The following CCDC171 variants were observed in gnomAD, a reference collection of about 807,000 sequenced individuals.
CCDC171 encodes the protein coiled-coil domain-containing protein 171.
CCDC171 carries 177 observed loss-of-function variants against 168.2 expected under a neutral mutation model. The ratio of observed to expected loss-of-function variants is 1.05; its 90% confidence interval spans 0.93 to 1.19. The LOEUF (loss-of-function observed/expected upper bound fraction) is 1.19, where lower values mean the gene tolerates loss of function less well. CCDC171 is among the 50% of genes most tolerant of loss of function. The probability of loss-of-function intolerance (pLI) is 0.00; values close to 1 mark genes in which losing one functional copy is unlikely to be tolerated. For synonymous variants in CCDC171, 687 were observed against 540.8 expected (o/e 1.27, Z -3.75); for missense variants, 1,991 against 1,539.0 (o/e 1.29, Z -4.91).
At chr9:15,590,000 G>A (rs778144357) in intron 4 of CCDC171, among the ~76,000 whole-genome samples, 1 of 152,164 alleles carries the variant, frequency 6.6e-6, no homozygotes, top group South Asian at 2.1e-4. Context: ...AATATTTACC[G>A]TTATGGAAAG....
chr9:15,935,889 A>G (rs1312218633), intron 25 of CCDC171, among the ~76,000 whole-genome samples: 1 of 152,112 alleles, frequency 6.6e-6, no homozygotes, highest in Non-Finnish European at 1.5e-5. Context: ...ACTAAATGTA[A>G]TCAGACTCCA....
At chr9:15,843,863 G>A (rs1237083362) in intron 21 of CCDC171, among the ~76,000 whole-genome samples, 1 of 152,094 alleles carries the variant, frequency 6.6e-6, no homozygotes, top group African/African-American at 2.4e-5. Context: ...GGGTGCTGCA[G>A]GTTCCCACTG....
chr9:15,947,871 A>G (rs1304248846), intron 25 of CCDC171, among the ~76,000 whole-genome samples: 2 of 151,624 alleles, frequency 1.3e-5, no homozygotes, highest in African/African-American at 2.4e-5. Flanking sequence ...CATGTGCACA[A>G]TGTGCAGGTT....
At chr9:15,873,242 G>A (rs1048784256) in intron 23 of CCDC171, among the ~76,000 whole-genome samples, 67 of 152,190 alleles carry the variant, frequency 4.4e-4, no homozygotes, top group African/African-American at 1.5e-3. Flanking sequence ...TTTGTGAAAT[G>A]TGTGTATATC....
chr9:15,834,897 A>G (rs1195784231), intron 21 of CCDC171, among the ~76,000 whole-genome samples: 1 of 152,218 alleles, frequency 6.6e-6, no homozygotes, highest in South Asian at 2.1e-4. Flanking sequence ...TCAGAGTATC[A>G]AAGCAAACCA....
At chr9:15,792,462 A>G (rs954716989) in intron 21 of CCDC171, among the ~76,000 whole-genome samples, 2 of 152,166 alleles carry the variant, frequency 1.3e-5, no homozygotes, top group African/African-American at 4.8e-5. Context: ...AAATTCAGGA[A>G]ATACAGAGAA....
At chr9:15,882,979 AGCCTGCCT>A (rs764000852) in intron 24 of CCDC171, 415 of 36,752 alleles carry the variant, frequency 0.011, 15 homozygotes, top group Middle Eastern at 0.057. Flanking sequence ...GATAAAAGCC[AGCCTGCCT>A]GCCTGCCTTC....
intron 3 of CCDC171, among the ~76,000 whole-genome samples, chr9:16,008,218 T>G (rs746835532): frequency 6.6e-6 from 1 of 152,204 alleles, no homozygotes; most frequent in Non-Finnish European, 1.5e-5. Flanking sequence ...GCTCTTACAT[T>G]TAGGACTTTC....
At chr9:15,644,071 T>C (rs1347840530) in intron 7 of CCDC171, among the ~76,000 whole-genome samples, 1 of 152,214 alleles carries the variant, frequency 6.6e-6, no homozygotes, top group Non-Finnish European at 1.5e-5. Context: ...TTTTCATTTC[T>C]CTTGGGCAAA....
At chr9:15,636,431 T>A (rs1248060679) in intron 7 of CCDC171, among the ~76,000 whole-genome samples, 2 of 152,122 alleles carry the variant, frequency 1.3e-5, no homozygotes, top group Admixed American at 6.6e-5. Context: ...TTTTTAATAC[T>A]ATGGTTTGTA....
intron 21 of CCDC171, among the ~76,000 whole-genome samples, chr9:15,837,372 T>C (rs996899702): frequency 1.3e-5 from 2 of 152,242 alleles, no homozygotes; most frequent in African/African-American, 4.8e-5. Flanking sequence ...ATACTAATTT[T>C]ATAGCAAGCT....
chr9:15,669,184 C>G (rs1364207547), intron 9 of CCDC171, among the ~76,000 whole-genome samples: 3 of 152,092 alleles, frequency 2.0e-5, no homozygotes, highest in Non-Finnish European at 4.4e-5. Context: ...AGTAGACATT[C>G]CTACATGAAA....
chr9:15,945,449 C>T (rs960032106), intron 25 of CCDC171, among the ~76,000 whole-genome samples: 12 of 151,288 alleles, frequency 7.9e-5, no homozygotes, highest in Admixed American at 2.0e-4. Context: ...CCTGAGGAAT[C>T]GCCACACTGA....
chr9:15,874,005 C>T (rs1304944296), intron 23 of CCDC171, among the ~76,000 whole-genome samples: 1 of 152,078 alleles, frequency 6.6e-6, no homozygotes, highest in Non-Finnish European at 1.5e-5. Context: ...AAAGGGCAAA[C>T]AAACCTCTTT....
At chr9:15,922,173 A>G in intron 25 of CCDC171, 1 of 409,792 alleles carries the variant, frequency 2.4e-6, no homozygotes, top group Non-Finnish European at 5.1e-6. Context: ...CATCTATAGA[A>G]TGCGAAACAT....
In CCDC171 at chr9:15,657,170, C is replaced by T. The variant is rs1587782278; in HGVS notation, c.866C>T (p.Ala289Val). 3.7e-6 allele frequency: 6 copies of T among 1,611,184 alleles called. No homozygotes were observed. The highest frequency in any genetic ancestry group is 1.3e-5 in the African/African-American group (1 of 74,938). The change falls in exon 8 of 26, where the codon GCA (alanine) becomes GTA (valine). Residue 289 changes from alanine to valine, a missense_variant. Physicochemically the swap from Ala to Val is moderately conservative, Grantham distance 64. Coordinates refer to ENST00000380701, the MANE Select transcript of CCDC171 (RefSeq NM_173550.4). ...AGGAAATTAGAAGAAAACATTGAAG[C>T]AGAAAGAGCAGCGCATTTGGAATCA... The part of the protein sequence containing the change: ...RVRKLEENIE[A>V]ERAAHLESKF...
chr9:15,616,518 A>C (rs768856583), intron 6 of CCDC171, among the ~76,000 whole-genome samples: 1 of 151,858 alleles, frequency 6.6e-6, no homozygotes, highest in Non-Finnish European at 1.5e-5. Context: ...TTTGTTATAG[A>C]CTCCATTTTG....
intron 1 of CCDC171, among the ~76,000 whole-genome samples, chr9:16,045,152 A>G (rs1833640505): frequency 1.3e-5 from 2 of 152,128 alleles, no homozygotes; most frequent in African/African-American, 4.8e-5. Flanking sequence ...GCCCAATGCA[A>G]TTCTTGTTTG....
intron 21 of CCDC171, among the ~76,000 whole-genome samples, chr9:15,811,091 G>A (rs1233605710): frequency 1.3e-5 from 2 of 152,244 alleles, no homozygotes; most frequent in Non-Finnish European, 2.9e-5. Context: ...CAGGTGTCAC[G>A]TGAAGTATCT....
Sources: gnomAD v4.1 joint callset for allele counts (sites outside exome capture counted in the v4.1 genomes callset) on GRCh38, gnomAD v4.1.1 for gene constraint, MANE v1.5 for transcripts, NCBI Gene and HGNC (gene_info 2026-07-23, HGNC 2026-07-21) for gene names.